Variants in TRAPPC9 observed in about 807,000 individuals in gnomAD.
TRAPPC9 encodes IKK2 binding protein.
In TRAPPC9, 83 loss-of-function variants were observed where a neutral mutation model predicts 124.0. That is an observed-to-expected ratio of 0.67 (90% CI 0.56 to 0.80). The LOEUF (loss-of-function observed/expected upper bound fraction) is 0.80. Among genes scored for constraint, TRAPPC9 ranks in the 30% least tolerant of loss-of-function variants. The probability of loss-of-function intolerance (pLI) is 0.00; values close to 1 mark genes in which losing one functional copy is unlikely to be tolerated. For synonymous variants in TRAPPC9, 638 were observed against 617.5 expected (o/e 1.03, Z -0.49); for missense variants, 1,302 against 1,508.3 (o/e 0.86, Z 2.27).
At chr8:140,021,738 A>G (rs180876167) in intron 18 of TRAPPC9, among the ~76,000 whole-genome samples, 10 of 152,228 alleles carry the variant, frequency 6.6e-5, no homozygotes, top group Non-Finnish European at 1.0e-4. Flanking sequence ...CACTCTGGTA[A>G]GTGCATTATC....
At position 140,121,081 on chromosome 8, in the gene TRAPPC9, T is replaced by C. The variant is rs534612599; in HGVS notation, c.2557-97002A>G. ...AACAAAACCCAATCACTAGGCAAGA[T>C]GTTGGGTTCTCTAAGAGCTCTCTAT... On this transcript the variant is annotated intron_variant, in intron 17 of 22. Transcript: ENST00000438773. Among the ~76,000 whole-genome samples the C allele has an allele frequency of 2.7e-4, 41 of 152,364 alleles. 1 individual carries two copies. Among genetic ancestry groups the C allele is most frequent in the Admixed American group, 7.8e-4 (12 of 15,304 alleles).
chr8:139,772,073 G>A (rs1821004293), intron 21 of TRAPPC9, among the ~76,000 whole-genome samples: 1 of 152,230 alleles, frequency 6.6e-6, no homozygotes, highest in African/African-American at 2.4e-5. Context: ...GCTGCTGAGG[G>A]CTATCTATCT....
intron 19 of TRAPPC9, among the ~76,000 whole-genome samples, chr8:139,968,104 GCAC>G (rs1440512065): frequency 1.3e-5 from 2 of 150,858 alleles, no homozygotes; most frequent in Non-Finnish European, 2.9e-5. Flanking sequence ...AGCCAAGATC[GCAC>G]CACTGTACTC....
intron 8 of TRAPPC9, among the ~76,000 whole-genome samples, chr8:140,370,429 C>G (rs1436222361): frequency 1.3e-5 from 2 of 152,114 alleles, no homozygotes; most frequent in Non-Finnish European, 2.9e-5. Flanking sequence ...AGTGAGCCAC[C>G]GTGCCTGGCC....
intron 9 of TRAPPC9, among the ~76,000 whole-genome samples, chr8:140,334,686 T>TA (rs1266031013): frequency 6.7e-4 from 102 of 151,260 alleles, no homozygotes; most frequent in African/African-American, 2.2e-3. Context: ...AATAAATAAA[T>TA]AAGTTCCACA....
intron 16 of TRAPPC9, among the ~76,000 whole-genome samples, chr8:140,224,043 C>T (rs529681344): frequency 1.3e-5 from 2 of 152,252 alleles, no homozygotes; most frequent in South Asian, 2.1e-4. Context: ...ATGGAAGACA[C>T]GTATGAAGAC....
intron 17 of TRAPPC9, among the ~76,000 whole-genome samples, chr8:140,210,478 C>T (rs1015699628): frequency 1.3e-5 from 2 of 152,188 alleles, no homozygotes; most frequent in Non-Finnish European, 2.9e-5. Flanking sequence ...TTCCCCATCC[C>T]CCCGTCTGCC....
At chr8:140,316,094 C>T (rs1165412875) in intron 9 of TRAPPC9, among the ~76,000 whole-genome samples, 1 of 151,988 alleles carries the variant, frequency 6.6e-6, no homozygotes, top group Non-Finnish European at 1.5e-5. Flanking sequence ...TAAAACTCTA[C>T]CAGGTGCTGT....
chr8:139,897,594 C>T (rs759686184), intron 20 of TRAPPC9, among the ~76,000 whole-genome samples: 5 of 152,214 alleles, frequency 3.3e-5, no homozygotes, highest in Non-Finnish European at 5.9e-5. Flanking sequence ...TGTCAGTTAC[C>T]TACAGATCAT....
At chr8:139,808,109 T>C (rs1299298898) in intron 21 of TRAPPC9, among the ~76,000 whole-genome samples, 1 of 152,198 alleles carries the variant, frequency 6.6e-6, no homozygotes, top group Non-Finnish European at 1.5e-5. Context: ...TGACCCATTA[T>C]TAACTATTAC....
At chr8:139,734,627 C>G (rs1374445043) in intron 21 of TRAPPC9, among the ~76,000 whole-genome samples, 2 of 152,232 alleles carry the variant, frequency 1.3e-5, no homozygotes, top group Non-Finnish European at 2.9e-5. Context: ...CTGCAGAAAC[C>G]ATTTGGTCCC....
intron 17 of TRAPPC9, among the ~76,000 whole-genome samples, chr8:140,130,735 G>A (rs1365118813): frequency 6.6e-6 from 1 of 152,102 alleles, no homozygotes. Flanking sequence ...GTGTTGTTTG[G>A]AAACACACAG....
At chr8:139,949,444 G>C (rs897249560) in intron 19 of TRAPPC9, among the ~76,000 whole-genome samples, 2 of 152,184 alleles carry the variant, frequency 1.3e-5, no homozygotes, top group Non-Finnish European at 2.9e-5. Context: ...ACGCACACAA[G>C]AGCACACACA....
At chr8:139,937,667 C>T (rs1048988659) in intron 19 of TRAPPC9, among the ~76,000 whole-genome samples, 30 of 152,208 alleles carry the variant, frequency 2.0e-4, no homozygotes, top group African/African-American at 6.5e-4. Flanking sequence ...TAGAATGAGG[C>T]GGTTCTGGAA....
intron 15 of TRAPPC9, among the ~76,000 whole-genome samples, chr8:140,272,403 T>G (rs1588065653): frequency 7.0e-6 from 1 of 142,152 alleles, no homozygotes; most frequent in Non-Finnish European, 1.6e-5. Flanking sequence ...GTGGCGATGG[T>G]GATAATGGTG....
intron 8 of TRAPPC9, among the ~76,000 whole-genome samples, chr8:140,364,605 C>T (rs905926938): frequency 2.0e-5 from 3 of 151,854 alleles, no homozygotes; most frequent in East Asian, 3.9e-4. Flanking sequence ...TTTTTCGAGA[C>T]GGAGTCTCGC....
chr8:140,412,935 T>C (rs1418645125), intron 5 of TRAPPC9, among the ~76,000 whole-genome samples: 2 of 152,104 alleles, frequency 1.3e-5, no homozygotes, highest in Non-Finnish European at 2.9e-5. Context: ...CCACTGGTCT[T>C]TGTGTCTGGG....
At chr8:140,329,367 G>C (rs1241476655) in intron 9 of TRAPPC9, among the ~76,000 whole-genome samples, 1 of 152,160 alleles carries the variant, frequency 6.6e-6, no homozygotes, top group African/African-American at 2.4e-5. Flanking sequence ...ATCCATGCAG[G>C]AACCCAGCAG....
chr8:139,862,258 C>A (rs1828217689), intron 21 of TRAPPC9, among the ~76,000 whole-genome samples: 1 of 152,256 alleles, frequency 6.6e-6, no homozygotes, highest in Admixed American at 6.5e-5. Flanking sequence ...CCTGTGTTTG[C>A]CCTGCCCCAC....
Sources: gnomAD v4.1 joint callset for allele counts (sites outside exome capture counted in the v4.1 genomes callset) on GRCh38, gnomAD v4.1.1 for gene constraint, MANE v1.5 for transcripts, NCBI Gene and HGNC (gene_info 2026-07-23, HGNC 2026-07-21) for gene names.